ZNF20: variants seen among roughly 807,000 people sequenced by gnomAD.
ZNF20 encodes the protein zinc finger protein KOX13.
In ZNF20, 9 loss-of-function variants were observed where a neutral mutation model predicts 11.0. The observed-to-expected ratio is 0.82, with a 90% confidence interval of 0.49 to 1.43. ZNF20 has a LOEUF of 1.43. ZNF20 is among the 40% of genes most tolerant of loss of function. The probability of loss-of-function intolerance (pLI) is 0.00; values close to 1 mark genes in which losing one functional copy is unlikely to be tolerated. For synonymous variants in ZNF20, 182 were observed against 213.0 expected (o/e 0.85, Z 1.27); for missense variants, 528 against 640.8 (o/e 0.82, Z 1.90).
Position 12,132,802 on chromosome 19 carries a change from A to G in ZNF20, c.1384T>C (p.Cys462Arg). 1 of 1,613,934 alleles carries G rather than the reference A, an allele frequency of 6.2e-7. No homozygotes were observed. The highest frequency in any genetic ancestry group is 8.5e-7 in the Non-Finnish European group (1 of 1,179,992). ...ECKVCGKAFT[C>R]SSSIRYHERT... is the part of the protein sequence containing the mutation. ...TCATGATATCGAATGGAACTGGAAC[A>G]AGTGAAGGCTTTGCCACATACCTTA... The change falls in exon 4 of 4, where the codon TGT becomes CGT. Residue 462 changes from cysteine to arginine, a missense_variant. Transcript: ENST00000334213.
chr19:12,135,670 C>T, intron 2 of ZNF20, 99 bp downstream of exon 2: 1 of 1,590,782 alleles, frequency 6.3e-7, no homozygotes, highest in Non-Finnish European at 8.6e-7. Context: ...ATTTATTCAT[C>T]AAAGTATTTT....
rs1249689145 is a variant in ZNF20, at chr19:12,131,653, A to G, written c.*934T>C. The G allele has an allele frequency of 6.6e-6, 1 of 152,302 alleles. No homozygotes were observed. The highest frequency in any genetic ancestry group is 1.9e-4 in the East Asian group (1 of 5,208). The allele number at this position is 152,302 out of a possible 1,614,324, so 9.4% of individuals were successfully genotyped here. On this transcript the variant is annotated 3_prime_UTR_variant, in exon 4 of 4. Coordinates refer to ENST00000334213, the MANE Select transcript of ZNF20 (RefSeq NM_021143.4). Reference sequence around the variant, plus strand: ...AACACTGACTCACAGTGACCACCGGATAACATGGTAACATTATCAACTTGA... The same window carrying G: ...AACACTGACTCACAGTGACCACCGGGTAACATGGTAACATTATCAACTTGA...
In ZNF20 at chr19:12,132,980, T is replaced by G; in HGVS notation, c.1206A>C (p.Lys402Asn). ...EKPHECKECG[K>N]VFKYFSSLRI... The stretch of plus-strand genomic sequence containing the variant: ...GCAAGGAAGAAAAATACTTGAATAC[T>G]TTTCCACATTCCTTACATTCATGGG... The change falls in exon 4 of 4, where the codon AAA (lysine) becomes AAC (asparagine). Residue 402 changes from lysine to asparagine, a missense_variant. Transcript: ENST00000334213. 6.2e-7 allele frequency: 1 copy of G among 1,614,108 alleles called. No homozygotes were observed. Among genetic ancestry groups the G allele is most frequent in the Non-Finnish European group, 8.5e-7 (1 of 1,179,994 alleles).
chr19:12,139,734 G>C lies in ZNF20; in HGVS notation c.3+446C>G, dbSNP rs928216733. 6.6e-6 allele frequency among the ~76,000 whole-genome samples: 1 copy of C among 152,004 alleles called. No homozygotes were observed. The highest frequency in any genetic ancestry group is 1.9e-4 in the East Asian group (1 of 5,174). On this transcript the variant is annotated intron_variant, in intron 1 of 3. Transcript: ENST00000334213. The surrounding 1 kb of genome is among the most constrained non-coding windows in gnomAD (Gnocchi z 4.0). ...TTTAGTAGAGACGGGGTTTCACTGT[G>C]TTAGCCTGGATGGTCTCGATCTCCT...
rs1976760859 is a variant in ZNF20 at position 12,139,267 on chromosome 19, AG to A, written c.3+912del. Among the ~76,000 whole-genome samples, 1 of 152,208 alleles carries A rather than the reference AG, an allele frequency of 6.6e-6. No homozygotes were observed. Among genetic ancestry groups the A allele is most frequent in the South Asian group, 2.1e-4 (1 of 4,834 alleles). The stretch of plus-strand genomic sequence containing the variant: ...CCCCAAGTAACCAATGGAATCCTCC[AG>A]GGGGTATTTAAACTCCCAAAAATTC... On this transcript the variant is annotated intron_variant, in intron 1 of 3. Coordinates refer to ENST00000334213, the MANE Select transcript of ZNF20 (RefSeq NM_021143.4). This position sits in a 1 kb window ranked among gnomAD's most constrained non-coding sequence, Gnocchi z 4.0.
chr19:12,140,212 C>G lies in ZNF20; in HGVS notation c.-30G>C. On this transcript the variant is annotated 5_prime_UTR_variant, in exon 1 of 4. Coordinates refer to ENST00000334213, the MANE Select transcript of ZNF20 (RefSeq NM_021143.4). ...CGGCTTCTGGGTGTCCCGGTGTCCTCTCTAGGGCTCCCGTGAATAGTGCGG... is the reference window on the plus strand; with the variant it reads ...CGGCTTCTGGGTGTCCCGGTGTCCTGTCTAGGGCTCCCGTGAATAGTGCGG... 6.3e-7 allele frequency: 1 copy of G among 1,599,664 alleles called. No individual in the cohort carries two copies. Among genetic ancestry groups the G allele is most frequent in the Non-Finnish European group, 8.5e-7 (1 of 1,172,862 alleles).
chr19:12,133,814 G>C lies in ZNF20; in HGVS notation c.372C>G (p.Ile124Met). 1 of 1,614,148 alleles carries C rather than the reference G, an allele frequency of 6.2e-7. No homozygotes were observed. Among genetic ancestry groups the C allele is most frequent in the Non-Finnish European group, 8.5e-7 (1 of 1,180,034 alleles). The change falls in exon 4 of 4, where the codon ATC (isoleucine) becomes ATG (methionine). Residue 124 changes from isoleucine to methionine, a missense_variant. Coordinates refer to ENST00000334213, the MANE Select transcript of ZNF20 (RefSeq NM_021143.4). The part of the protein sequence containing the change: ...GTGHSSLNTH[I>M]RADTGHKSSE... ...ATGACTTGTGTCCAGTGTCAGCTCTGATATGCGTATTAAGAGATGAATGAC... is the reference window on the plus strand; with the variant it reads ...ATGACTTGTGTCCAGTGTCAGCTCTCATATGCGTATTAAGAGATGAATGAC...
rs1445813311 is a variant in ZNF20 at position 12,135,520 on chromosome 19, T to A, written c.180A>T (p.Lys60Asn). The stretch of plus-strand genomic sequence containing the variant: ...ATTACCTTAGATTTCTCCTGGGATT[T>A]TTGTACTCATCTTCAATGTTCTGAA... ...WKVQNIEDEY[K>N]NPRRNLSLMR... is the part of the protein sequence containing the mutation. Residue 60 changes from lysine (K) to asparagine (N), a missense_variant, in exon 3 of 4, where the codon AAA (lysine) becomes AAT (asparagine). By Grantham distance (94) the Lys-to-Asn change is moderately conservative. Coordinates refer to ENST00000334213, the MANE Select transcript of ZNF20 (RefSeq NM_021143.4). 6.2e-7 allele frequency: 1 copy of A among 1,613,604 alleles called. No homozygotes were observed. The highest frequency in any genetic ancestry group is 8.5e-7 in the Non-Finnish European group (1 of 1,179,848).
At position 12,133,157 on chromosome 19, in the gene ZNF20, T is replaced by C. The variant is rs892889821; in HGVS notation, c.1029A>G (p.Gln343=). ...AGGTACATCTGAAGGCTTTACCACATTGCCTACATTCATAGGGTTTCTCTC... is the reference window on the plus strand; with the variant it reads ...AGGTACATCTGAAGGCTTTACCACACTGCCTACATTCATAGGGTTTCTCTC... ...HTGEKPYECR[Q]CGKAFRCTSD... is the part of the protein sequence containing the mutation. Residue 343 remains glutamine, a synonymous_variant, in exon 4 of 4, where the codon CAA becomes CAG. Transcript: ENST00000334213. 2.5e-6 allele frequency: 4 copies of C among 1,612,924 alleles called. No homozygotes were observed. Among genetic ancestry groups the C allele is most frequent in the Admixed American group, 1.7e-5 (1 of 59,920 alleles).
rs1343964380 is a variant in ZNF20, at chr19:12,132,603, T to G, written c.1583A>C (p.His528Pro). The G allele has an allele frequency of 6.3e-7, 1 of 1,594,256 alleles. No individual in the cohort carries two copies. Among genetic ancestry groups the G allele is most frequent in the Admixed American group, 1.8e-5 (1 of 55,422 alleles). Residue 528 changes from histidine (H) to proline (P), a missense_variant, in exon 4 of 4, where the codon CAT (histidine) becomes CCT (proline). Physicochemically the swap from His to Pro is moderately conservative, Grantham distance 77. Transcript: ENST00000334213. ...AAGGATTTCTCATCTATTAATGGTA[T>G]GAGTTCTTTCATGTTCTCGACATGA... ...ASSCREHERT[H>P]TINR
chr19:12,134,279 G>A (rs1300569446), intron 3 of ZNF20, among the ~76,000 whole-genome samples: 1 of 151,976 alleles, frequency 6.6e-6, no homozygotes, highest in Non-Finnish European at 1.5e-5. Flanking sequence ...AGCTGAGATT[G>A]CGCCATTGTG....
At chr19:12,137,637 CCTGT>C (rs1327564590) in intron 1 of ZNF20, 1 of 152,652 alleles carries the variant, frequency 6.6e-6, no homozygotes, top group Non-Finnish European at 1.5e-5. Context: ...CCCAAAAGTC[CCTGT>C]CTGTCTTTCT....
intron 1 of ZNF20, chr19:12,136,916 A>G (rs12608894): frequency 0.15 from 63,678 of 422,472 alleles, 5,663 homozygotes; most frequent in African/African-American, 0.28. Flanking sequence ...CATCATCTCC[A>G]TATGAATTAA....
Position 12,133,706 on chromosome 19 carries a change from T to G in ZNF20, c.480A>C (p.Ser160=). The part of the protein sequence containing the change: ...KAFSYLDSFQ[S]HDKACTKEKP... ...TCTCTTTAGTGCAAGCTTTATCATG[T>G]GATTGAAAGGAGTCAAGATAACTGA... Residue 160 remains serine (S), a synonymous_variant, in exon 4 of 4, where the codon TCA becomes TCC. Coordinates refer to ENST00000334213, the MANE Select transcript of ZNF20 (RefSeq NM_021143.4). 1 of 1,614,236 alleles carries G rather than the reference T, an allele frequency of 6.2e-7. No homozygotes were observed. The highest frequency in any genetic ancestry group is 8.5e-7 in the Non-Finnish European group (1 of 1,180,040).
intron 3 of ZNF20, among the ~76,000 whole-genome samples, chr19:12,135,023 G>A (rs1206283494): frequency 2.0e-5 from 3 of 151,870 alleles, no homozygotes; most frequent in Admixed American, 1.3e-4. Context: ...GGGGGTATGC[G>A]CAACAGTGCC....
At chr19:12,135,029 G>A (rs1458752611) in intron 3 of ZNF20, among the ~76,000 whole-genome samples, 1 of 152,062 alleles carries the variant, frequency 6.6e-6, no homozygotes, top group Admixed American at 6.6e-5. Context: ...ATGCGCAACA[G>A]TGCCCAGCCC....
intron 1 of ZNF20, 46 bp downstream of exon 1, chr19:12,140,134 C>G: frequency 1.3e-6 from 2 of 1,583,566 alleles, no homozygotes; most frequent in Non-Finnish European, 1.7e-6. Context: ...CGGCCGGTTC[C>G]ACCCAGCCCC....
Position 12,140,203 on chromosome 19 carries a change from C to T in ZNF20, c.-21G>A, listed in dbSNP as rs772234119. 1.2e-6 allele frequency: 2 copies of T among 1,601,840 alleles called. No homozygotes were observed. The highest frequency in any genetic ancestry group is 1.7e-6 in the Non-Finnish European group (2 of 1,174,040). On this transcript the variant is annotated 5_prime_UTR_variant, in exon 1 of 4. Coordinates refer to ENST00000334213, the MANE Select transcript of ZNF20 (RefSeq NM_021143.4). ...ACCATTTCCCGGCTTCTGGGTGTCC[C>T]GGTGTCCTCTCTAGGGCTCCCGTGA... is the stretch of plus-strand genomic sequence containing the variant.
intron 3 of ZNF20, among the ~76,000 whole-genome samples, chr19:12,134,732 T>G (rs1976682899): frequency 6.6e-6 from 1 of 152,234 alleles, no homozygotes; most frequent in Non-Finnish European, 1.5e-5. Flanking sequence ...AGCTTTCTGC[T>G]CTGTCTGAAT....
Sources: allele counts gnomAD v4.1 joint callset (sites outside exome capture counted in the v4.1 genomes callset), GRCh38; gene constraint gnomAD v4.1.1; non-coding constraint Gnocchi (gnomAD v3.1); transcripts MANE v1.5; gene names NCBI Gene and HGNC (gene_info 2026-07-23, HGNC 2026-07-21).